Variants in SCML4 observed in about 807,000 individuals in gnomAD.
The protein encoded by SCML4 is Scm polycomb group protein like 4.
SCML4 carries 34 observed loss-of-function variants against 41.1 expected under a neutral mutation model. The observed-to-expected ratio is 0.83, with a 90% confidence interval of 0.63 to 1.10. SCML4 has a LOEUF of 1.10. Among genes scored for constraint, SCML4 ranks in the 50% least tolerant of loss-of-function variants. The pLI is 0.00. For missense variants in SCML4, 522 were observed against 534.1 expected (o/e 0.98, Z 0.22); for synonymous variants, 214 against 220.9 (o/e 0.97, Z 0.28).
In SCML4 at chr6:107,705,028, T is replaced by C. The variant is rs1773466213; in HGVS notation, c.*172A>G. 4.3e-6 allele frequency: 3 copies of C among 704,930 alleles called. No individual in the cohort carries two copies. The highest frequency in any genetic ancestry group is 2.6e-5 in the Admixed American group (1 of 38,148). 43.7% of individuals were successfully genotyped at this position (704,930 alleles called of 1,614,324 possible). On this transcript the variant is annotated 3_prime_UTR_variant, in exon 8 of 8. Coordinates refer to ENST00000369020, the MANE Select transcript of SCML4 (RefSeq NM_198081.5). ...CAGAGGAGCCTCTCGAAAAGGTCCATGTTAAATTCTTCAAAAGGCAAAGAT... is the reference window on the plus strand; with the variant it reads ...CAGAGGAGCCTCTCGAAAAGGTCCACGTTAAATTCTTCAAAAGGCAAAGAT...
intron 1 of SCML4, among the ~76,000 whole-genome samples, chr6:107,781,036 G>A (rs1362992694): frequency 6.6e-6 from 1 of 151,868 alleles, no homozygotes; most frequent in African/African-American, 2.4e-5. Flanking sequence ...ACAAAAGAAG[G>A]GTGAATAGAA....
intron 2 of SCML4, chr6:107,755,518 T>C: frequency 1.1e-6 from 1 of 906,570 alleles, no homozygotes; most frequent in Non-Finnish European, 1.5e-6. Flanking sequence ...ATGAGCCCAC[T>C]GGCTAGAAGC....
At position 107,717,172 on chromosome 6, in the gene SCML4, A is replaced by AAAAAAAAAAAAT. The variant is rs1321916871; in HGVS notation, c.973+3530_973+3531insATTTTTTTTTTT. ...AAAAAAAAAAAAAAAAAAAAAAAAAAAGCCAGGTGTGGTGGCAGGCACCTG... is the reference window on the plus strand; with the variant it reads ...AAAAAAAAAAAAAAAAAAAAAAAAAAAAAAAAAAAAATAGCCAGGTGTGGTGGCAGGCACCTG... On this transcript the variant is annotated intron_variant, in intron 6 of 7. Coordinates refer to ENST00000369020, the MANE Select transcript of SCML4 (RefSeq NM_198081.5). Among the ~76,000 whole-genome samples, 31 of 112,758 alleles carry AAAAAAAAAAAAT rather than the reference A, an allele frequency of 2.7e-4. 1 individual carries two copies. Among genetic ancestry groups the AAAAAAAAAAAAT allele is most frequent in the African/African-American group, 1.0e-3 (29 of 28,522 alleles). 74.0% of individuals were successfully genotyped at this position (112,758 alleles called of 152,430 possible).
At chr6:107,794,072 T>A (rs1218030848) in intron 1 of SCML4, among the ~76,000 whole-genome samples, 1 of 152,258 alleles carries the variant, frequency 6.6e-6, no homozygotes. Flanking sequence ...CAGTCTCTTG[T>A]GATATTTCAT....
chr6:107,739,047 A>G (rs546148592), intron 5 of SCML4, among the ~76,000 whole-genome samples: 3 of 152,292 alleles, frequency 2.0e-5, no homozygotes, highest in Admixed American at 6.5e-5. Context: ...TCCCAAGGGA[A>G]CTATCTTCTG....
At chr6:107,753,953 T>C (rs1778898090) in intron 2 of SCML4, among the ~76,000 whole-genome samples, 1 of 152,204 alleles carries the variant, frequency 6.6e-6, no homozygotes, top group African/African-American at 2.4e-5. Context: ...GCAGAAGGTC[T>C]CTTCCCATGG....
chr6:107,722,100 TTGCC>T (rs1378594840), intron 5 of SCML4, among the ~76,000 whole-genome samples: 2 of 151,726 alleles, frequency 1.3e-5, no homozygotes, highest in Non-Finnish European at 2.9e-5. Context: ...AGCGATTCTC[TTGCC>T]TCAGACTCCC....
upstream of SCML4, among the ~76,000 whole-genome samples, chr6:107,827,306 C>T (rs1785296246): frequency 7.0e-6 from 1 of 143,094 alleles, no homozygotes; most frequent in Non-Finnish European, 1.5e-5. Context: ...TTGTTTTTTA[C>T]TTAAATGTAT....
chr6:107,797,695 C>G (rs748326220), intron 1 of SCML4, among the ~76,000 whole-genome samples: 23 of 151,954 alleles, frequency 1.5e-4, no homozygotes, highest in Non-Finnish European at 3.1e-4. Flanking sequence ...AAAGGACATC[C>G]ATGCTTGTTC....
chr6:107,738,313 G>T (rs909673114), intron 5 of SCML4, among the ~76,000 whole-genome samples: 1 of 152,114 alleles, frequency 6.6e-6, no homozygotes, highest in Non-Finnish European at 1.5e-5. Flanking sequence ...AGGCAGCAGG[G>T]AAGCCTGAAG....
At chr6:107,757,667 C>A (rs1779225583) in intron 2 of SCML4, among the ~76,000 whole-genome samples, 1 of 152,160 alleles carries the variant, frequency 6.6e-6, no homozygotes, top group Admixed American at 6.5e-5. Context: ...AGCCCTCACA[C>A]AGGGATGTAG....
intron 6 of SCML4, among the ~76,000 whole-genome samples, chr6:107,711,492 G>A (rs1774211555): frequency 6.6e-6 from 1 of 152,236 alleles, no homozygotes; most frequent in African/African-American, 2.4e-5. Context: ...TAGGTGTGTA[G>A]TAGACTATAC....
At chr6:107,813,712 G>A (rs922382505) in intron 1 of SCML4, among the ~76,000 whole-genome samples, 1 of 152,074 alleles carries the variant, frequency 6.6e-6, no homozygotes, top group Non-Finnish European at 1.5e-5. Flanking sequence ...GTTATCAGTC[G>A]CTGCTTTAAA....
At chr6:107,706,203 T>C (rs1323868833) in intron 7 of SCML4, among the ~76,000 whole-genome samples, 1 of 152,164 alleles carries the variant, frequency 6.6e-6, no homozygotes, top group Admixed American at 6.5e-5. Flanking sequence ...TTTGGCAAAA[T>C]GGCAGTGGGC....
At chr6:107,714,740 T>A (rs1774579643) in intron 6 of SCML4, among the ~76,000 whole-genome samples, 1 of 152,150 alleles carries the variant, frequency 6.6e-6, no homozygotes, top group Non-Finnish European at 1.5e-5. Context: ...TTAAATGGCA[T>A]AATGTTGTAA....
At chr6:107,812,268 G>A (rs1304326165) in intron 1 of SCML4, among the ~76,000 whole-genome samples, 1 of 152,176 alleles carries the variant, frequency 6.6e-6, no homozygotes, top group Non-Finnish European at 1.5e-5. Flanking sequence ...AGACATTATG[G>A]AAGACAGTCA....
At chr6:107,830,446 GGGCAGGTGACT>G in the SCML4 span, among the ~76,000 whole-genome samples, 2 of 152,162 alleles carry the variant, frequency 1.3e-5, no homozygotes, top group Non-Finnish European at 1.5e-5. Flanking sequence ...GGATGGGTGA[GGGCAGGTGACT>G]GACAGCTGGA....
rs1458134417 is a variant in SCML4 at position 107,734,427 on chromosome 6, G to T, written c.682+10522C>A. Among the ~76,000 whole-genome samples the T allele has an allele frequency of 2.0e-5, 3 of 152,160 alleles. No individual in the cohort carries two copies. The South Asian group carries it at 6.2e-4, about 32-fold the overall frequency. On this transcript the variant is annotated intron_variant, in intron 5 of 7. Coordinates refer to ENST00000369020, the MANE Select transcript of SCML4 (RefSeq NM_198081.5). Reference sequence around the variant, plus strand: ...ACTTAATTGGAACATTCATTCATTGGTTAATAGTTATGGAGTAAATAACTT... The same window carrying T: ...ACTTAATTGGAACATTCATTCATTGTTTAATAGTTATGGAGTAAATAACTT...
At chr6:107,737,024 C>A (rs552995379) in intron 5 of SCML4, among the ~76,000 whole-genome samples, 1 of 152,364 alleles carries the variant, frequency 6.6e-6, no homozygotes, top group East Asian at 1.9e-4. Context: ...TCAACTCTCA[C>A]ATTTGTGGTT....
Sources: allele counts gnomAD v4.1 joint callset (sites outside exome capture counted in the v4.1 genomes callset), GRCh38; gene constraint gnomAD v4.1.1; transcripts MANE v1.5; gene names NCBI Gene and HGNC (gene_info 2026-07-23, HGNC 2026-07-21).